The following OPCML variants were observed in gnomAD, a reference collection of about 807,000 sequenced individuals.
OPCML encodes opioid binding protein/cell adhesion molecule like, also known as opioid-binding protein/cell adhesion molecule.
OPCML carries 13 observed loss-of-function variants against 37.8 expected under a neutral mutation model. The observed-to-expected ratio is 0.34, with a 90% CI of 0.22 to 0.55. The LOEUF is 0.55. Among genes scored for constraint, OPCML ranks in the 20% least tolerant of loss-of-function variants. The pLI is 0.91. For missense variants in OPCML, 341 were observed against 435.6 expected, an observed-to-expected ratio of 0.78 and a Z score of 1.93; for synonymous variants, 176 against 168.8, an observed-to-expected ratio of 1.04 and a Z score of -0.33.
chr11:132,734,720 A>G (rs1945193347), intron 2 of OPCML, among the ~76,000 whole-genome samples: 1 of 152,228 alleles, frequency 6.6e-6, no homozygotes. Context: ...AGTAATTAAT[A>G]CAAAATTTGG....
chr11:133,006,569 G>A (rs1947117321), intron 1 of OPCML: 2 of 985,424 alleles, frequency 2.0e-6, no homozygotes, highest in African/African-American at 1.7e-5. Flanking sequence ...TTTTGCTATA[G>A]GGTGCTGTTG....
chr11:133,421,839 T>A (rs983621506), intron 1 of OPCML: 6 of 882,896 alleles, frequency 6.8e-6, no homozygotes, highest in East Asian at 2.4e-4. Context: ...AAACAAGCCA[T>A]CCCTACTGTA....
chr11:133,082,238 C>T (rs1948734098), intron 1 of OPCML, among the ~76,000 whole-genome samples: 1 of 151,676 alleles, frequency 6.6e-6, no homozygotes, highest in African/African-American at 2.4e-5. Context: ...CTGGGCCACT[C>T]CGGGAGCCCC....
At chr11:133,107,991 G>A (rs545555495) in intron 1 of OPCML, among the ~76,000 whole-genome samples, 1 of 152,212 alleles carries the variant, frequency 6.6e-6, no homozygotes, top group East Asian at 1.9e-4. Flanking sequence ...AGTGGCTATT[G>A]GTATGCAGCA....
intron 1 of OPCML, among the ~76,000 whole-genome samples, chr11:132,954,878 G>T (rs1371683555): frequency 6.6e-6 from 1 of 152,128 alleles, no homozygotes; most frequent in Non-Finnish European, 1.5e-5. Flanking sequence ...GGAAACTCAG[G>T]ATCGGTGCCC....
At chr11:133,463,689 G>A (rs1946910624) in intron 1 of OPCML, among the ~76,000 whole-genome samples, 1 of 151,942 alleles carries the variant, frequency 6.6e-6, no homozygotes, top group African/African-American at 2.4e-5. Context: ...CAGCTATACC[G>A]ACACCTGGAA....
chr11:132,865,278 T>C (rs1942486653), intron 2 of OPCML, among the ~76,000 whole-genome samples: 1 of 152,234 alleles, frequency 6.6e-6, no homozygotes, highest in African/African-American at 2.4e-5. Flanking sequence ...GGTTTGTTCA[T>C]CATTCTTTCA....
chr11:133,433,958 T>C (rs1218351298), intron 1 of OPCML, among the ~76,000 whole-genome samples: 3 of 152,226 alleles, frequency 2.0e-5, no homozygotes, highest in Admixed American at 2.0e-4. Context: ...TGAAGTAATA[T>C]TGTTTTGTTG....
At chr11:132,914,146 T>C (rs536806229) in intron 2 of OPCML, among the ~76,000 whole-genome samples, 5 of 152,320 alleles carry the variant, frequency 3.3e-5, no homozygotes, top group African/African-American at 1.2e-4. Flanking sequence ...CTGACACACA[T>C]TCCCTGCCGC....
intron 4 of OPCML, among the ~76,000 whole-genome samples, chr11:132,463,699 C>A (rs1341656425): frequency 1.3e-5 from 2 of 152,336 alleles, no homozygotes; most frequent in African/African-American, 4.8e-5. Flanking sequence ...TGGAGGTGCA[C>A]AGACTGCTAG....
At chr11:132,880,998 T>C (rs534376682) in intron 2 of OPCML, among the ~76,000 whole-genome samples, 177 of 152,208 alleles carry the variant, frequency 1.2e-3, no homozygotes, top group African/African-American at 3.4e-3. Flanking sequence ...CAGCAAAAAA[T>C]AGTGTTTTTA....
At chr11:133,207,723 C>T (rs1939146981) in intron 1 of OPCML, among the ~76,000 whole-genome samples, 3 of 152,154 alleles carry the variant, frequency 2.0e-5, no homozygotes, top group South Asian at 2.1e-4. Flanking sequence ...ACTCAGATGG[C>T]AATGCCGACT....
At chr11:133,373,119 T>C (rs1354816430) in intron 1 of OPCML, among the ~76,000 whole-genome samples, 1 of 151,940 alleles carries the variant, frequency 6.6e-6, no homozygotes, top group Admixed American at 6.6e-5. Flanking sequence ...TTCCACAAGC[T>C]CTTACGTTAT....
At chr11:132,456,428 G>C (rs2096083045) in intron 4 of OPCML, among the ~76,000 whole-genome samples, 1 of 152,160 alleles carries the variant, frequency 6.6e-6, no homozygotes, top group Non-Finnish European at 1.5e-5. Context: ...AATTTTTTTA[G>C]AGTTCAGGGA....
chr11:133,034,937 A>G (rs1055173495), intron 1 of OPCML, among the ~76,000 whole-genome samples: 14 of 152,086 alleles, frequency 9.2e-5, no homozygotes, highest in East Asian at 1.9e-4. Flanking sequence ...CAATCCTGGC[A>G]TGATGCAATG....
At chr11:132,651,195 T>C (rs1358002445) in intron 3 of OPCML, among the ~76,000 whole-genome samples, 2 of 152,196 alleles carry the variant, frequency 1.3e-5, no homozygotes, top group African/African-American at 4.8e-5. Context: ...TATTTAACTC[T>C]GAGTCAGTGG....
intron 1 of OPCML, among the ~76,000 whole-genome samples, chr11:133,285,995 C>CA (rs369163486): frequency 2.6e-5 from 4 of 151,980 alleles, no homozygotes; most frequent in African/African-American, 7.3e-5. Context: ...GTACAAGTCC[C>CA]AAAAAAATAT....
chr11:132,621,553 C>T (rs1258458526), intron 3 of OPCML, among the ~76,000 whole-genome samples: 1 of 152,038 alleles, frequency 6.6e-6, no homozygotes, highest in Non-Finnish European at 1.5e-5. Flanking sequence ...CAAATGAGTA[C>T]CTCCTAGATG....
In OPCML at chr11:132,714,392, A is replaced by G. The variant is rs568439351; in HGVS notation, c.147-57073T>C. Among the ~76,000 whole-genome samples, 6 of 152,314 alleles carry G rather than the reference A, an allele frequency of 3.9e-5. No homozygotes were observed. In the South Asian group the frequency reaches 6.2e-4, roughly 16 times the overall value. On this transcript the variant is annotated intron_variant, in intron 2 of 7. Transcript: ENST00000524381. ...AATATGTGTTTTCAATCTCATGGAG[A>G]TAATATGTGCGGCACAGAGTAGAAA...
Sources: allele counts gnomAD v4.1 joint callset (sites outside exome capture counted in the v4.1 genomes callset), GRCh38; gene constraint gnomAD v4.1.1; transcripts MANE v1.5; gene names NCBI Gene and HGNC (gene_info 2026-07-23, HGNC 2026-07-21).